PAPPA: variants seen among roughly 807,000 people sequenced by gnomAD.
The protein encoded by PAPPA is pappalysin-1.
A neutral mutation model predicts 164.0 loss-of-function variants in PAPPA; 60 were observed. The observed-to-expected ratio is 0.37, with a 90% confidence interval of 0.30 to 0.45. PAPPA has a LOEUF of 0.45. PAPPA is among the 20% of genes least tolerant of loss of function. The probability of loss-of-function intolerance (pLI) is 1.00; values close to 1 mark genes in which losing one functional copy is unlikely to be tolerated. For synonymous variants in PAPPA, 875 were observed against 814.1 expected (o/e 1.07, Z -1.27); for missense variants, 1,782 against 2,087.3 (o/e 0.85, Z 2.85).
chr9:116,190,669 G>C lies in PAPPA; in HGVS notation c.1478+2453G>C, dbSNP rs144129339. 2.5e-3 allele frequency among the ~76,000 whole-genome samples: 375 copies of C among 152,370 alleles called. 2 individuals carry two copies. The highest frequency in any genetic ancestry group is 8.8e-3 in the African/African-American group (366 of 41,598). The stretch of plus-strand genomic sequence containing the variant: ...GGATGAAGAGCAGCTGGCCTTTGCA[G>C]AGCACCATGCTGGTGTGGAGGGGCC... On this transcript the variant is annotated intron_variant, in intron 2 of 21. Transcript: ENST00000328252.
intron 2 of PAPPA, among the ~76,000 whole-genome samples, chr9:116,192,263 G>T (rs1019293437): frequency 1.3e-5 from 2 of 152,178 alleles, no homozygotes; most frequent in African/African-American, 4.8e-5. Flanking sequence ...AATGTCCAGA[G>T]CCTAGAGACA....
chr9:116,183,872 C>A (rs1350088323), intron 1 of PAPPA, among the ~76,000 whole-genome samples: 1 of 152,128 alleles, frequency 6.6e-6, no homozygotes, highest in African/African-American at 2.4e-5. Flanking sequence ...GTGGCCTGAG[C>A]CTGGGTCCCA....
intron 7 of PAPPA, among the ~76,000 whole-genome samples, chr9:116,254,932 A>G (rs556091697): frequency 5.3e-5 from 8 of 151,962 alleles, no homozygotes; most frequent in African/African-American, 1.9e-4. Flanking sequence ...ATAAGCATGG[A>G]TGATTTTTAT....
chr9:116,235,060 C>T, intron 6 of PAPPA, 79 bp from the exon 7 acceptor site: 1 of 1,548,038 alleles, frequency 6.5e-7, no homozygotes, highest in African/African-American at 1.4e-5. Context: ...ACCAATTTCT[C>T]CTGGGGTCCA....
chr9:116,306,288 TC>T (rs1164807418), intron 10 of PAPPA, among the ~76,000 whole-genome samples: 1 of 152,196 alleles, frequency 6.6e-6, no homozygotes, highest in African/African-American at 2.4e-5. Flanking sequence ...GTCTGCAGGA[TC>T]TCTATGACTA....
Position 116,246,705 on chromosome 9 carries a change from C to T in PAPPA, c.2732+11068C>T, listed in dbSNP as rs78833748. 3.1e-3 allele frequency among the ~76,000 whole-genome samples: 479 copies of T among 152,144 alleles called. 1 individual carries two copies. Among genetic ancestry groups the T allele is most frequent in the African/African-American group, 0.011 (457 of 41,492 alleles). On this transcript the variant is annotated intron_variant, in intron 7 of 21. Coordinates refer to ENST00000328252, the MANE Select transcript of PAPPA (RefSeq NM_002581.5). ...CATTGAAGTCAAGTTTGCTAAAAAG[C>T]AAGGTTATAGATAGAAAAGAAAATG...
At chr9:116,252,314 C>G (rs1844869130) in intron 7 of PAPPA, among the ~76,000 whole-genome samples, 1 of 152,200 alleles carries the variant, frequency 6.6e-6, no homozygotes, top group Non-Finnish European at 1.5e-5. Flanking sequence ...CCAATGGAGT[C>G]TCAGATCTCT....
rs138121942 is a variant in PAPPA at position 116,279,048 on chromosome 9, C to T, written c.2953+7632C>T. On this transcript the variant is annotated intron_variant, in intron 9 of 21. Coordinates refer to ENST00000328252, the MANE Select transcript of PAPPA (RefSeq NM_002581.5). ...TCCTGATGCTAAATTACAGTGGTGC[C>T]ATTTGCAAAATGATCAAACCTCCTA... Among the ~76,000 whole-genome samples, 95 of 152,278 alleles carry T rather than the reference C, an allele frequency of 6.2e-4. No homozygotes were observed. In the East Asian group the frequency reaches 0.017, roughly 27 times the overall value.
At chr9:116,281,323 G>A (rs1235423720) in intron 9 of PAPPA, among the ~76,000 whole-genome samples, 4 of 152,114 alleles carry the variant, frequency 2.6e-5, no homozygotes, top group African/African-American at 9.7e-5. Context: ...CGAGGAGTTA[G>A]ACAATCATTT....
chr9:116,236,497 G>C (rs571433899), intron 7 of PAPPA, among the ~76,000 whole-genome samples: 1 of 149,382 alleles, frequency 6.7e-6, no homozygotes, highest in Non-Finnish European at 1.5e-5. Flanking sequence ...TGAGGCAGGA[G>C]AATCTCTTGA....
chr9:116,346,208 TG>T (rs1321063930), intron 14 of PAPPA, among the ~76,000 whole-genome samples: 1 of 152,196 alleles, frequency 6.6e-6, no homozygotes, highest in African/African-American at 2.4e-5. Context: ...CCTCCTTGAA[TG>T]AAAGCCTCCA....
At chr9:116,204,663 G>T (rs574306061) in intron 2 of PAPPA, among the ~76,000 whole-genome samples, 3 of 152,028 alleles carry the variant, frequency 2.0e-5, no homozygotes, top group African/African-American at 7.2e-5. Context: ...CATTCCTGCC[G>T]CCTTGGCTGC....
At chr9:116,277,885 C>G (rs866916521) in intron 9 of PAPPA, among the ~76,000 whole-genome samples, 3 of 152,180 alleles carry the variant, frequency 2.0e-5, no homozygotes, top group Non-Finnish European at 4.4e-5. Context: ...ACAGGCTAGT[C>G]TCAAACTCCT....
At chr9:116,358,988 T>G (rs550416698) in intron 17 of PAPPA, among the ~76,000 whole-genome samples, 8 of 152,274 alleles carry the variant, frequency 5.3e-5, no homozygotes, top group African/African-American at 1.9e-4. Context: ...ACTCACATGA[T>G]CCTCATGATC....
At chr9:116,353,529 A>G (rs1319750764) in intron 16 of PAPPA, 93 bp from the exon 17 acceptor site, 23 of 1,151,766 alleles carry the variant, frequency 2.0e-5, no homozygotes, top group Non-Finnish European at 2.9e-5. Context: ...ACTAGGAAAT[A>G]GGAAATGGGG....
intron 15 of PAPPA, among the ~76,000 whole-genome samples, chr9:116,352,463 A>C (rs1846295386): frequency 6.6e-6 from 1 of 152,214 alleles, no homozygotes; most frequent in Non-Finnish European, 1.5e-5. Flanking sequence ...ATCAGAAGTC[A>C]GAAGCCTTGG....
intron 21 of PAPPA, among the ~76,000 whole-genome samples, chr9:116,388,176 T>C (rs1721880920): frequency 1.3e-5 from 2 of 152,134 alleles, no homozygotes; most frequent in Admixed American, 1.3e-4. Context: ...GGAAACTCTG[T>C]CTGACAGGGG....
At chr9:116,305,631 C>A (rs189393055) in intron 10 of PAPPA, among the ~76,000 whole-genome samples, 8 of 152,280 alleles carry the variant, frequency 5.3e-5, no homozygotes, top group Non-Finnish European at 2.9e-5. Context: ...TACAGCCAAT[C>A]CCCTTGTCAT....
chr9:116,193,541 G>A (rs887161944), intron 2 of PAPPA, among the ~76,000 whole-genome samples: 2 of 152,130 alleles, frequency 1.3e-5, no homozygotes, highest in Non-Finnish European at 2.9e-5. Flanking sequence ...TCCATTGAGA[G>A]GGGGGCTGAG....
Sources: allele counts gnomAD v4.1 joint callset (sites outside exome capture counted in the v4.1 genomes callset), GRCh38; gene constraint gnomAD v4.1.1; transcripts MANE v1.5; gene names NCBI Gene and HGNC (gene_info 2026-07-23, HGNC 2026-07-21).